PABIR3: variants seen among roughly 807,000 people sequenced by gnomAD.
PABIR3 encodes the protein PABIR family member 3, also known as PABIR family member 1.
In PABIR3, 20 loss-of-function variants were observed where a neutral mutation model predicts 23.1. That is an observed-to-expected ratio of 0.86 (90% CI 0.61 to 1.26). PABIR3 has a LOEUF of 1.26. Ranked by LOEUF, PABIR3 falls within the 50% of genes most tolerant of loss-of-function variation. PABIR3 has a pLI of 0.00. For missense variants in PABIR3, 189 were observed against 195.4 expected, an observed-to-expected ratio of 0.97 and a Z score of 0.20; for synonymous variants, 69 against 68.5, an observed-to-expected ratio of 1.01 and a Z score of -0.04.
upstream of PABIR3, among the ~76,000 whole-genome samples, chrX:134,803,074 G>A (rs2080107652): frequency 8.9e-6 from 1 of 112,493 alleles, no homozygotes; most frequent in Admixed American, 9.4e-5. Context: ...GGCCAGTGGC[G>A]CAGGTGGTAA....
chrX:134,845,864 T>C (rs1473826693), intron 6 of PABIR3, among the ~76,000 whole-genome samples: 1 of 112,293 alleles, frequency 8.9e-6, no homozygotes, highest in Non-Finnish European at 1.9e-5. Flanking sequence ...AGTGCTTAGA[T>C]AACAAAACAA....
At chrX:134,832,138 C>T (rs1414438855) in intron 4 of PABIR3, among the ~76,000 whole-genome samples, 1 of 109,265 alleles carries the variant, frequency 9.2e-6, no homozygotes, top group Non-Finnish European at 1.9e-5. Flanking sequence ...ATTAGCCGTG[C>T]GTGGTGGGTG....
intron 9 of PABIR3, among the ~76,000 whole-genome samples, chrX:134,850,316 G>T (rs1478805174): frequency 9.0e-6 from 1 of 111,439 alleles, no homozygotes; most frequent in African/African-American, 3.3e-5. Context: ...ATGCTTTAAT[G>T]TTCTTTGTAT....
At chrX:134,800,624 T>G (rs2080040685) in intron 1 of PABIR3, among the ~76,000 whole-genome samples, 1 of 110,752 alleles carries the variant, frequency 9.0e-6, no homozygotes, top group African/African-American at 3.3e-5. Flanking sequence ...ACCCCGTCTC[T>G]ACTAAAAATA....
chrX:134,831,887 G>A (rs896102641), intron 4 of PABIR3, among the ~76,000 whole-genome samples: 1 of 110,579 alleles, frequency 9.0e-6, no homozygotes, highest in Non-Finnish European at 1.9e-5. Context: ...CCACTTCCTC[G>A]CCACCCCTCA....
chrX:134,809,406 C>A, intron 2 of PABIR3: 1 of 447,292 alleles, frequency 2.2e-6, no homozygotes, highest in African/African-American at 2.7e-5. Flanking sequence ...ACCTTGTGAT[C>A]CGCCCACCTT....
chrX:134,818,513 T>G (rs2081098125), intron 3 of PABIR3, among the ~76,000 whole-genome samples: 1 of 112,048 alleles, frequency 8.9e-6, no homozygotes, highest in African/African-American at 3.2e-5. Context: ...TCAAACAGAC[T>G]GAAAAGTGTC....
At chrX:134,828,047 C>CTCTATATA (rs1466733144) in intron 3 of PABIR3, among the ~76,000 whole-genome samples, 39 of 49,409 alleles carry the variant, frequency 7.9e-4, no homozygotes, top group East Asian at 2.2e-3. Context: ...CTCTCTCTCT[C>CTCTATATA]TATATATATA....
chrX:134,860,077 G>C, the PABIR3 span, among the ~76,000 whole-genome samples: 1 of 110,314 alleles, frequency 9.1e-6, no homozygotes, highest in Middle Eastern at 4.7e-3. Flanking sequence ...AAGGAAGAAG[G>C]AAGTTCAGCT....
chrX:134,841,447 A>G (rs1382964999), intron 4 of PABIR3, among the ~76,000 whole-genome samples: 2 of 112,128 alleles, frequency 1.8e-5, no homozygotes, highest in Non-Finnish European at 3.8e-5. Flanking sequence ...TTGGACATAT[A>G]CCACTGTGCT....
At chrX:134,850,466 C>T (rs1225176477) in intron 9 of PABIR3, among the ~76,000 whole-genome samples, 1 of 111,567 alleles carries the variant, frequency 9.0e-6, no homozygotes, top group Non-Finnish European at 1.9e-5. Flanking sequence ...GAAGATGCTT[C>T]GGTTACTAAG....
chrX:134,837,547 G>T (rs2082011824), intron 4 of PABIR3, among the ~76,000 whole-genome samples: 1 of 111,686 alleles, frequency 9.0e-6, no homozygotes, highest in Non-Finnish European at 1.9e-5. Context: ...TAACATCCAA[G>T]TATAACAATT....
chrX:134,830,349 T>TC (rs1407987009), intron 4 of PABIR3, among the ~76,000 whole-genome samples: 3 of 98,316 alleles, frequency 3.1e-5, no homozygotes, highest in African/African-American at 1.2e-4. Context: ...TTTTTTTTTT[T>TC]TGAGACAGAG....
upstream of PABIR3, among the ~76,000 whole-genome samples, chrX:134,803,914 T>G (rs9887287): frequency 0.012 from 1,304 of 110,567 alleles, 20 homozygotes; most frequent in African/African-American, 0.041. Flanking sequence ...AGTTTTTTTT[T>G]TTTTTTTAAC....
downstream of PABIR3, among the ~76,000 whole-genome samples, chrX:134,857,743 A>G (rs1436798076): frequency 9.0e-6 from 1 of 111,320 alleles, no homozygotes; most frequent in Non-Finnish European, 1.9e-5. Flanking sequence ...CTCCAAATTT[A>G]CCCTAATGAT....
At chrX:134,805,975 G>A (rs964123491), upstream of PABIR3, among the ~76,000 whole-genome samples, 2 of 112,025 alleles carry the variant, frequency 1.8e-5, no homozygotes, top group Admixed American at 9.4e-5. Context: ...ATTTCACTAG[G>A]TTTATTTGCC....
chrX:134,847,801 C>A, intron 7 of PABIR3, 82 bp from the exon 8 acceptor site: 1 of 781,986 alleles, frequency 1.3e-6, no homozygotes, highest in South Asian at 2.3e-5. Flanking sequence ...TCCCTACCAT[C>A]CCTGCCCCTC....
At chrX:134,797,794 C>G (rs1603105697) in intron 1 of PABIR3, among the ~76,000 whole-genome samples, 1 of 106,686 alleles carries the variant, frequency 9.4e-6, no homozygotes, top group Non-Finnish European at 1.9e-5. Flanking sequence ...CATGCCTCAG[C>G]GTGGGTGAGA....
chrX:134,829,248 A>C lies in PABIR3; in HGVS notation c.212A>C (p.His71Pro). The C allele has an allele frequency of 1.7e-6, 2 of 1,209,098 alleles. No individual in the cohort carries two copies. Among genetic ancestry groups the C allele is most frequent in the South Asian group, 3.5e-5 (2 of 56,709 alleles). ...CAGTTGTTGCCACCTCCTCCCTTTC[A>C]TGGTTCCATCAGCCGCCTTCATCAA... ...RSLLLPPPPF[H>P]GSISRLHQIK... The change falls in exon 4 of 11, where the codon CAT becomes CCT. Residue 71 changes from histidine to proline, a missense_variant. Coordinates refer to ENST00000645433, the MANE Select transcript of PABIR3 (RefSeq NM_001388447.1).
Sources: gnomAD v4.1 joint callset for allele counts (sites outside exome capture counted in the v4.1 genomes callset) on GRCh38, gnomAD v4.1.1 for gene constraint, MANE v1.5 for transcripts, NCBI Gene and HGNC (gene_info 2026-07-23, HGNC 2026-07-21) for gene names.